Variants in WDR37 observed in about 807,000 individuals in gnomAD.
WDR37 encodes the protein WD repeat domain 37.
Under a neutral mutation model 62.9 loss-of-function variants are expected in WDR37, and 19 were observed. That is an observed-to-expected ratio of 0.30 (90% CI 0.21 to 0.44). The LOEUF is 0.44. WDR37 is among the 20% of genes least tolerant of loss of function. WDR37 has a pLI of 1.00. For synonymous variants in WDR37, 250 were observed against 260.9 expected (o/e 0.96, Z 0.40); for missense variants, 474 against 657.6 (o/e 0.72, Z 3.05).
intron 8 of WDR37, among the ~76,000 whole-genome samples, chr10:1,094,827 TAGAG>T (rs1227962722): frequency 2.7e-5 from 4 of 150,370 alleles, no homozygotes; most frequent in East Asian, 2.0e-4. Flanking sequence ...GTAATGGACA[TAGAG>T]AGGGGAGAGT....
At position 1,103,689 on chromosome 10, in the gene WDR37, G is replaced by A. The variant is rs756255797; in HGVS notation, c.814G>A (p.Val272Ile). The A allele has an allele frequency of 4.5e-5, 73 of 1,614,110 alleles. No homozygotes were observed. Among genetic ancestry groups the A allele is most frequent in the Non-Finnish European group, 5.5e-5 (65 of 1,180,044 alleles). ...GTCCAGCGACTGCCCCACCATCCGC[G>A]TCCCACTGACATCCCTCAAGAGCCA... ...DVSSDCPTIR[V>I]PLTSLKSHQG... Residue 272 changes from valine (V) to isoleucine (I), a missense_variant, in exon 10 of 14, where the codon GTC becomes ATC. Val to Ile is a conservative substitution (Grantham distance 29). Transcript: ENST00000263150. The surrounding 1 kb of genome is among the most constrained non-coding windows in gnomAD (Gnocchi z 6.3).
At chr10:1,080,192 G>A (rs1292480642) in intron 4 of WDR37, 86 bp downstream of exon 4, 7 of 1,504,012 alleles carry the variant, frequency 4.7e-6, no homozygotes, top group East Asian at 2.3e-5. Flanking sequence ...GCTGGTTTGC[G>A]TTTTGCTGTC....
chr10:1,057,894 A>T (rs1039240197), intron 1 of WDR37, among the ~76,000 whole-genome samples: 6 of 152,248 alleles, frequency 3.9e-5, no homozygotes, highest in Middle Eastern at 3.2e-3. Context: ...CGGTCATAAA[A>T]GTATTGCAGG....
chr10:1,115,332 A>G (rs941603763), intron 11 of WDR37, among the ~76,000 whole-genome samples: 1 of 152,254 alleles, frequency 6.6e-6, no homozygotes, highest in African/African-American at 2.4e-5. Flanking sequence ...CAAAACACAC[A>G]TCTAACCAAA....
intron 2 of WDR37, 88 bp downstream of exon 2, chr10:1,072,381 G>T: frequency 6.5e-7 from 1 of 1,535,936 alleles, no homozygotes; most frequent in Admixed American, 1.8e-5. Flanking sequence ...GCGATGGTGC[G>T]ATCTCCGCTC....
At chr10:1,093,110 T>C (rs1834457156) in intron 7 of WDR37, among the ~76,000 whole-genome samples, 1 of 152,148 alleles carries the variant, frequency 6.6e-6, no homozygotes, top group Admixed American at 6.5e-5. Flanking sequence ...TCTGCCACAC[T>C]ATAATTTGTC....
At position 1,121,895 on chromosome 10, in the gene WDR37, G is replaced by A. The variant is rs986996856; in HGVS notation, c.1104-2323G>A. Among the ~76,000 whole-genome samples, 1 of 152,020 alleles carries A rather than the reference G, an allele frequency of 6.6e-6. No homozygotes were observed. Among genetic ancestry groups the A allele is most frequent in the African/African-American group, 2.4e-5 (1 of 41,400 alleles). On this transcript the variant is annotated intron_variant, in intron 11 of 13. Coordinates refer to ENST00000263150, the MANE Select transcript of WDR37 (RefSeq NM_014023.4). The surrounding 1 kb of genome is among the most constrained non-coding windows in gnomAD (Gnocchi z 4.5). The stretch of plus-strand genomic sequence containing the variant: ...TGTGTTCCGGGGTCTCGGTGTCAGA[G>A]CGTGTTGCCAGGTGTTGTTGACGCA...
In WDR37 at chr10:1,129,652, TACA is replaced by T; in HGVS notation, c.*309_*311del. 8.1e-5 allele frequency: 20 copies of T among 246,144 alleles called. No homozygotes were observed. The highest frequency in any genetic ancestry group is 4.6e-4 in the South Asian group (7 of 15,222). The allele number at this position is 246,144 out of a possible 1,614,324, so 15.2% of individuals were successfully genotyped here. ...ATTGGACAGGTGAACAGTAGGGCAT[TACA>T]TTTGTGTGAATTAAATGTGAACTTC... On this transcript the variant is annotated 3_prime_UTR_variant, in exon 14 of 14. Transcript: ENST00000263150.
chr10:1,076,318 T>C (rs972616356), intron 2 of WDR37, among the ~76,000 whole-genome samples: 11 of 152,150 alleles, frequency 7.2e-5, no homozygotes, highest in African/African-American at 2.7e-4. Flanking sequence ...CTGTCATTTT[T>C]CCCTAAAATT....
Position 1,086,365 on chromosome 10 carries a change from C to A in WDR37, c.604+8C>A. On this transcript the variant is annotated splice_region_variant and intron_variant, in intron 7 of 13. Coordinates refer to ENST00000263150, the MANE Select transcript of WDR37 (RefSeq NM_014023.4). ...CAGGCCACGTGGGCTCAGGTAAGCA[C>A]TGCCTAAGGAGTGCCGTAGCCAGAG... 1 of 1,613,012 alleles carries A rather than the reference C, an allele frequency of 6.2e-7. No individual in the cohort carries two copies. Among genetic ancestry groups the A allele is most frequent in the Non-Finnish European group, 8.5e-7 (1 of 1,179,148 alleles).
intron 13 of WDR37, among the ~76,000 whole-genome samples, chr10:1,125,742 G>C (rs2131695649): frequency 6.6e-6 from 1 of 152,288 alleles, no homozygotes; most frequent in East Asian, 1.9e-4. Flanking sequence ...TCTTTAAGGT[G>C]GGACCTCTTC....
At chr10:1,066,138 C>T (rs530388407) in intron 1 of WDR37, among the ~76,000 whole-genome samples, 24 of 151,202 alleles carry the variant, frequency 1.6e-4, no homozygotes, top group East Asian at 1.6e-3. Context: ...TTTTTAGAAA[C>T]GGAGTCTTGC....
At chr10:1,063,465 A>G (rs911156038) in intron 1 of WDR37, among the ~76,000 whole-genome samples, 7 of 151,996 alleles carry the variant, frequency 4.6e-5, no homozygotes, top group African/African-American at 1.7e-4. Context: ...CTGCAGCACC[A>G]CCCTCACCCT....
intron 13 of WDR37, among the ~76,000 whole-genome samples, chr10:1,126,221 C>A (rs188212358): frequency 1.2e-4 from 19 of 152,140 alleles, no homozygotes; most frequent in South Asian, 6.2e-4. Context: ...CTGACTAACA[C>A]GGTGAAACCC....
intron 2 of WDR37, among the ~76,000 whole-genome samples, chr10:1,075,883 G>A (rs1216689349): frequency 6.6e-6 from 1 of 151,390 alleles, no homozygotes; most frequent in African/African-American, 2.4e-5. Context: ...GGGTTCTAGC[G>A]ATTCTCATGC....
intron 7 of WDR37, among the ~76,000 whole-genome samples, chr10:1,092,584 T>G (rs771542962): frequency 2.4e-4 from 37 of 151,594 alleles, no homozygotes; most frequent in Non-Finnish European, 4.7e-4. Flanking sequence ...GGTCTCGATC[T>G]CCTGACCTCG....
At chr10:1,114,855 G>T (rs956416255) in intron 11 of WDR37, among the ~76,000 whole-genome samples, 1 of 152,216 alleles carries the variant, frequency 6.6e-6, no homozygotes, top group Non-Finnish European at 1.5e-5. Flanking sequence ...GAACCCACAC[G>T]CAGGCCATTC....
intron 2 of WDR37, among the ~76,000 whole-genome samples, chr10:1,076,736 A>T (rs1589085385): frequency 6.6e-6 from 1 of 150,640 alleles, no homozygotes; most frequent in Non-Finnish European, 1.5e-5. Context: ...GCTATATGTA[A>T]ATTTGAAAAG....
intron 11 of WDR37, among the ~76,000 whole-genome samples, chr10:1,106,988 C>T (rs760884482): frequency 6.6e-6 from 1 of 152,158 alleles, no homozygotes. Flanking sequence ...ATCAGGTCAG[C>T]GTTTATTCTG....
Sources: allele counts gnomAD v4.1 joint callset (sites outside exome capture counted in the v4.1 genomes callset), GRCh38; gene constraint gnomAD v4.1.1; non-coding constraint Gnocchi (gnomAD v3.1); transcripts MANE v1.5; gene names NCBI Gene and HGNC (gene_info 2026-07-23, HGNC 2026-07-21).